Variants in APP observed in about 807,000 individuals in gnomAD.
APP encodes the protein amyloid-beta precursor protein.
A neutral mutation model predicts 101.4 loss-of-function variants in APP; 31 were observed. That is an observed-to-expected ratio of 0.31 (90% confidence interval 0.23 to 0.41). APP has a LOEUF of 0.41. Ranked by LOEUF, APP falls within the 10% of genes least tolerant of loss-of-function variation. The probability of loss-of-function intolerance (pLI) is 1.00; values close to 1 mark genes in which losing one functional copy is unlikely to be tolerated. For missense variants in APP, 839 were observed against 1,003.7 expected (o/e 0.84, Z 2.22); for synonymous variants, 366 against 364.4 (o/e 1.00, Z -0.05).
intron 5 of APP, among the ~76,000 whole-genome samples, chr21:26,038,628 G>C (rs548517787): frequency 3.9e-5 from 6 of 152,148 alleles, no homozygotes; most frequent in Non-Finnish European, 8.8e-5. Context: ...GCTGGGCGTG[G>C]TGGCAGGCAC....
intron 13 of APP, chr21:25,934,597 G>A (rs143879558): frequency 0.02 from 3,079 of 152,156 alleles, 50 homozygotes; most frequent in Middle Eastern, 0.04. Flanking sequence ...AACCATCCCC[G>A]ACTAATTTTT....
intron 8 of APP, among the ~76,000 whole-genome samples, chr21:25,982,749 A>T (rs2042482821): frequency 6.6e-6 from 1 of 152,228 alleles, no homozygotes; most frequent in African/African-American, 2.4e-5. Context: ...TCTTTACGAA[A>T]CAAGCATGCA....
chr21:26,105,117 C>T (rs1293580266), intron 2 of APP, among the ~76,000 whole-genome samples: 2 of 147,096 alleles, frequency 1.4e-5, no homozygotes, highest in Admixed American at 6.8e-5. Context: ...ATGACAGATA[C>T]CAGAATACCG....
rs918422859 is a variant in APP at position 26,060,173 on chromosome 21, A to G, written c.356-6825T>C. ...ACTCTTCATCATTCACTAATCACCTATTTCGCACCTACTGAAGACACTGGG... is the reference window on the plus strand; with the variant it reads ...ACTCTTCATCATTCACTAATCACCTGTTTCGCACCTACTGAAGACACTGGG... On this transcript the variant is annotated intron_variant, in intron 3 of 17. Transcript: ENST00000346798. Among the ~76,000 whole-genome samples, 3 of 152,120 alleles carry G rather than the reference A, an allele frequency of 2.0e-5. No individual in the cohort carries two copies. In the East Asian group the frequency reaches 5.8e-4, roughly 29 times the overall value.
At chr21:26,009,752 G>C (rs1318699163) in intron 6 of APP, 1 of 152,080 alleles carries the variant, frequency 6.6e-6, no homozygotes. Flanking sequence ...ACCACGCCCG[G>C]CTAATTTTTG....
chr21:25,904,783 C>A (rs2038701618), intron 15 of APP, among the ~76,000 whole-genome samples: 1 of 151,490 alleles, frequency 6.6e-6, no homozygotes, highest in Non-Finnish European at 1.5e-5. Flanking sequence ...TTTGGAAGGG[C>A]TCTCTTTTAG....
Position 25,930,637 on chromosome 21 carries a change from C to T in APP, c.1688-18675G>A, listed in dbSNP as rs111844863. Reference sequence around the variant, plus strand: ...ACAACACAGGATTGGGTCCTTTTCCCACAGACAGCACATCATCCTTGTATA... The same window carrying T: ...ACAACACAGGATTGGGTCCTTTTCCTACAGACAGCACATCATCCTTGTATA... On this transcript the variant is annotated intron_variant, in intron 13 of 17. Transcript: ENST00000346798. Among the ~76,000 whole-genome samples, 627 of 152,064 alleles carry T rather than the reference C, an allele frequency of 4.1e-3. 6 individuals carry two copies. The highest frequency in any genetic ancestry group is 0.014 in the African/African-American group (594 of 41,440).
intron 13 of APP, among the ~76,000 whole-genome samples, chr21:25,937,423 T>A (rs2040405861): frequency 6.6e-6 from 1 of 152,224 alleles, no homozygotes; most frequent in Non-Finnish European, 1.5e-5. Flanking sequence ...AAGACCACAC[T>A]TTTTGAGCTG....
chr21:25,966,656 C>T (rs2041808275), intron 11 of APP, among the ~76,000 whole-genome samples: 2 of 152,110 alleles, frequency 1.3e-5, no homozygotes, highest in Non-Finnish European at 1.5e-5. Context: ...GAGATATATG[C>T]TATATACATA....
intron 11 of APP, among the ~76,000 whole-genome samples, chr21:25,961,610 C>G (rs1040357715): frequency 6.6e-6 from 1 of 152,112 alleles, no homozygotes; most frequent in Non-Finnish European, 1.5e-5. Context: ...ATTTCTTGAG[C>G]TATAATAATG....
In APP at chr21:25,889,447, T is replaced by C. The variant is rs1014976468; in HGVS notation, c.2211+2275A>G. ...TCCACCCATCTGTGTTACTTTGTTA[T>C]GGAAGCCCGAGGAAGCCAAGTCTTT... On this transcript the variant is annotated intron_variant, in intron 17 of 17. Coordinates refer to ENST00000346798, the MANE Select transcript of APP (RefSeq NM_000484.4). 1.2e-4 allele frequency among the ~76,000 whole-genome samples: 18 copies of C among 152,334 alleles called. No homozygotes were observed. The Middle Eastern group carries it at 0.01, about 86-fold the overall frequency.
intron 1 of APP, among the ~76,000 whole-genome samples, chr21:26,165,233 T>C (rs938115576): frequency 6.6e-6 from 1 of 152,238 alleles, no homozygotes; most frequent in African/African-American, 2.4e-5. Flanking sequence ...GAAACTTACA[T>C]ATACCCATTG....
intron 13 of APP, 28 bp from the exon 14 acceptor site, chr21:25,911,990 T>C: frequency 6.4e-7 from 1 of 1,565,652 alleles, no homozygotes; most frequent in Non-Finnish European, 8.8e-7. Flanking sequence ...ATCTCTTTGG[T>C]GAGTAACAAC....
Position 26,097,482 on chromosome 21 carries a change from T to C in APP, c.226-7410A>G, listed in dbSNP as rs1601451170. ...TTATAAACCTATCTCTTAAATAAGATATTCTAAATAGTTGTTGGATTATGG... is the reference window on the plus strand; with the variant it reads ...TTATAAACCTATCTCTTAAATAAGACATTCTAAATAGTTGTTGGATTATGG... On this transcript the variant is annotated intron_variant, in intron 2 of 17. Transcript: ENST00000346798. Among the ~76,000 whole-genome samples, 6 of 144,798 alleles carry C rather than the reference T, an allele frequency of 4.1e-5. No homozygotes were observed. The South Asian group carries it at 1.4e-3, about 34-fold the overall frequency. 95.0% of individuals were successfully genotyped at this position (144,798 alleles called of 152,430 possible). A position where few individuals can be genotyped will look rare whatever the true frequency, so the allele number is the denominator to read the frequency against.
rs78028773 is a variant in APP at position 26,074,752 on chromosome 21, A to G, written c.355+15191T>C. Among the ~76,000 whole-genome samples, 7 of 14,228 alleles carry G rather than the reference A, an allele frequency of 4.9e-4. No individual in the cohort carries two copies. The South Asian group carries it at 0.041, about 83-fold the overall frequency. The allele number at this position is 14,228 out of a possible 152,430, so 9.3% of individuals were successfully genotyped here. A position where few individuals can be genotyped will look rare whatever the true frequency, so the allele number is the denominator to read the frequency against. On this transcript the variant is annotated intron_variant, in intron 3 of 17. Transcript: ENST00000346798. ...GGTGACAGAGAGACTGTGTCTCACA[A>G]AAAAAAAAAAATCTTTATCATTAGC...
At chr21:26,048,877 T>C (rs1208713138) in intron 5 of APP, among the ~76,000 whole-genome samples, 2 of 152,088 alleles carry the variant, frequency 1.3e-5, no homozygotes, top group African/African-American at 2.4e-5. Context: ...ATTAACCCCA[T>C]TTGACAAAAA....
At chr21:25,978,890 T>C (rs2042320997) in intron 9 of APP, among the ~76,000 whole-genome samples, 1 of 152,204 alleles carries the variant, frequency 6.6e-6, no homozygotes, top group Non-Finnish European at 1.5e-5. Context: ...AGTTGGAGGT[T>C]GCAGTGAGTC....
At chr21:26,011,033 A>C (rs142252197) in intron 6 of APP, among the ~76,000 whole-genome samples, 43 of 151,866 alleles carry the variant, frequency 2.8e-4, no homozygotes, top group African/African-American at 9.9e-4. Context: ...TTGGGGGATG[A>C]GACACAGTAT....
At chr21:25,916,256 C>T (rs1022941929) in intron 13 of APP, among the ~76,000 whole-genome samples, 9 of 152,218 alleles carry the variant, frequency 5.9e-5, no homozygotes, top group Admixed American at 6.5e-5. Context: ...CCTGCCTTGG[C>T]CTCCCAAAGT....
Sources: allele counts gnomAD v4.1 joint callset (sites outside exome capture counted in the v4.1 genomes callset), GRCh38; gene constraint gnomAD v4.1.1; transcripts MANE v1.5; gene names NCBI Gene and HGNC (gene_info 2026-07-23, HGNC 2026-07-21).